The following CCDC102B variants were observed in gnomAD, a reference collection of about 807,000 sequenced individuals.
CCDC102B encodes coiled-coil domain containing 102B.
A neutral mutation model predicts 57.4 loss-of-function variants in CCDC102B; 75 were observed. The ratio of observed to expected loss-of-function variants is 1.31; its 90% CI spans 1.08 to 1.58. CCDC102B has a LOEUF of 1.58. Among genes scored for constraint, CCDC102B ranks in the 40% most tolerant of loss-of-function variants. The probability of loss-of-function intolerance (pLI) is 0.00; values close to 1 mark genes in which losing one functional copy is unlikely to be tolerated. For synonymous variants in CCDC102B, 206 were observed against 201.9 expected (o/e 1.02, Z -0.17); for missense variants, 636 against 582.6 (o/e 1.09, Z -0.94).
intron 2 of CCDC102B, among the ~76,000 whole-genome samples, chr18:68,735,512 ATC>A (rs2033086683): frequency 6.6e-6 from 1 of 151,990 alleles, no homozygotes; most frequent in South Asian, 2.1e-4. Context: ...TTTGCAGGTG[ATC>A]TCTGACTCAC....
chr18:68,851,459 G>A (rs573510463), intron 4 of CCDC102B, among the ~76,000 whole-genome samples: 3 of 152,252 alleles, frequency 2.0e-5, no homozygotes, highest in South Asian at 4.1e-4. Context: ...GCTGATATAA[G>A]TACCTTCAAG....
At chr18:68,962,273 A>T (rs1036741272) in intron 6 of CCDC102B, among the ~76,000 whole-genome samples, 1 of 152,102 alleles carries the variant, frequency 6.6e-6, no homozygotes, top group African/African-American at 2.4e-5. Context: ...TGCACTCTGC[A>T]TGGATACCTT....
rs658458 is a variant in CCDC102B, at chr18:68,784,025, A to G, written c.-66-39341A>G. 3.6e-3 allele frequency among the ~76,000 whole-genome samples: 541 copies of G among 152,340 alleles called. 2 individuals are homozygous for G. Among genetic ancestry groups the G allele is most frequent in the African/African-American group, 0.012 (513 of 41,582 alleles). On this transcript the variant is annotated intron_variant, in intron 2 of 3. Coordinates refer to the CCDC102B transcript ENST00000578970. ...CATGACATTTTTCTGTTTCATTTAT[A>G]TGAATTTTTTAAATCCTTAAGCTGC... is the stretch of plus-strand genomic sequence containing the variant.
At chr18:68,939,869 T>A (rs979544611) in intron 6 of CCDC102B, among the ~76,000 whole-genome samples, 1 of 151,816 alleles carries the variant, frequency 6.6e-6, no homozygotes, top group Non-Finnish European at 1.5e-5. Context: ...TCCATTAAGG[T>A]ACATAAACCT....
intron 6 of CCDC102B, among the ~76,000 whole-genome samples, chr18:68,973,051 A>G (rs1033742780): frequency 6.6e-6 from 1 of 152,172 alleles, no homozygotes; most frequent in African/African-American, 2.4e-5. Context: ...AGATAGTCTA[A>G]TGGTAATACA....
At chr18:68,918,746 G>C (rs890904270) in intron 6 of CCDC102B, among the ~76,000 whole-genome samples, 1 of 152,074 alleles carries the variant, frequency 6.6e-6, no homozygotes, top group Non-Finnish European at 1.5e-5. Flanking sequence ...TCTCATTTAA[G>C]AAAATTGGAA....
At chr18:68,814,268 A>T (rs1378689468) in intron 1 of CCDC102B, among the ~76,000 whole-genome samples, 1 of 141,718 alleles carries the variant, frequency 7.1e-6, no homozygotes, top group Non-Finnish European at 1.6e-5. Context: ...ATTGTTTTGC[A>T]ATTAATCACT....
chr18:68,950,190 AT>A (rs984996048), intron 6 of CCDC102B, among the ~76,000 whole-genome samples: 1 of 152,076 alleles, frequency 6.6e-6, no homozygotes, highest in African/African-American at 2.4e-5. Context: ...TTTCTGGAAT[AT>A]TTTTATCTGA....
intron 2 of CCDC102B, among the ~76,000 whole-genome samples, chr18:68,771,168 C>T (rs763432960): frequency 1.3e-4 from 20 of 152,130 alleles, no homozygotes; most frequent in African/African-American, 1.9e-4. Flanking sequence ...TCAATGGCTG[C>T]ATGGTGGTGT....
intron 2 of CCDC102B, among the ~76,000 whole-genome samples, chr18:68,766,290 A>C (rs971067259): frequency 6.6e-6 from 1 of 152,210 alleles, no homozygotes. Flanking sequence ...GTATAAAAAC[A>C]GTAAAACAAG....
At chr18:68,833,498 A>T (rs1043694967) in intron 1 of CCDC102B, among the ~76,000 whole-genome samples, 1 of 152,064 alleles carries the variant, frequency 6.6e-6, no homozygotes, top group Non-Finnish European at 1.5e-5. Flanking sequence ...TGACTTGTAT[A>T]ACAGAGAAAA....
intron 1 of CCDC102B, among the ~76,000 whole-genome samples, chr18:68,829,124 A>AC (rs112765688): frequency 0.022 from 3,414 of 152,024 alleles, 102 homozygotes; most frequent in African/African-American, 0.064. Flanking sequence ...GCTTTTAAAA[A>AC]ATTTTTTGTT....
intron 6 of CCDC102B, among the ~76,000 whole-genome samples, chr18:68,983,674 A>C (rs561408411): frequency 6.6e-6 from 1 of 152,154 alleles, no homozygotes; most frequent in African/African-American, 2.4e-5. Context: ...TACTCATTAC[A>C]ATGTGTTTAC....
At chr18:68,888,637 G>T (rs1388700275) in intron 5 of CCDC102B, among the ~76,000 whole-genome samples, 3 of 152,094 alleles carry the variant, frequency 2.0e-5, no homozygotes, top group East Asian at 3.9e-4. Flanking sequence ...AATCATCAGG[G>T]TTGAGAACCA....
At chr18:68,861,882 C>G (rs553586231) in intron 4 of CCDC102B, among the ~76,000 whole-genome samples, 3 of 151,992 alleles carry the variant, frequency 2.0e-5, no homozygotes, top group African/African-American at 7.2e-5. Context: ...ATAAATAACT[C>G]AAAATTTAAG....
intron 7 of CCDC102B, among the ~76,000 whole-genome samples, chr18:69,028,896 C>A (rs1330504224): frequency 1.3e-5 from 2 of 151,448 alleles, no homozygotes; most frequent in African/African-American, 4.9e-5. Flanking sequence ...AAAAAAAAAA[C>A]TAGAATTTCC....
upstream of CCDC102B, among the ~76,000 whole-genome samples, chr18:68,795,837 C>G (rs1036693258): frequency 1.3e-5 from 2 of 152,092 alleles, no homozygotes; most frequent in Non-Finnish European, 2.9e-5. Flanking sequence ...GCAAAAGAAG[C>G]CTCAAAAACA....
chr18:68,719,466 C>T (rs1312052971), intron 2 of CCDC102B, among the ~76,000 whole-genome samples: 1 of 152,126 alleles, frequency 6.6e-6, no homozygotes, highest in Non-Finnish European at 1.5e-5. Context: ...TCCCAAAGCC[C>T]AAGAACCAGG....
intron 6 of CCDC102B, among the ~76,000 whole-genome samples, chr18:68,971,370 T>A (rs376060853): frequency 2.3e-4 from 35 of 152,210 alleles, no homozygotes; most frequent in Non-Finnish European, 4.4e-4. Context: ...ATTCATCAAT[T>A]ATATCTTCCC....
Sources: gnomAD v4.1 joint callset for allele counts (sites outside exome capture counted in the v4.1 genomes callset) on GRCh38, gnomAD v4.1.1 for gene constraint, MANE v1.5 for transcripts, NCBI Gene and HGNC (gene_info 2026-07-23, HGNC 2026-07-21) for gene names.